The following ST3GAL3 variants were observed in gnomAD, a reference collection of about 807,000 sequenced individuals.
The protein encoded by ST3GAL3 is CMP-N-acetylneuraminate-beta-1,4-galactoside alpha-2,3-sialyltransferase.
ST3GAL3 carries 21 observed loss-of-function variants against 50.1 expected under a neutral mutation model. That is an observed-to-expected ratio of 0.42 (90% CI 0.30 to 0.60). ST3GAL3 has a LOEUF of 0.60. Among genes scored for constraint, ST3GAL3 ranks in the 20% least tolerant of loss-of-function variants. The probability of loss-of-function intolerance (pLI) is 0.19; values close to 1 mark genes in which losing one functional copy is unlikely to be tolerated. For missense variants in ST3GAL3, 353 were observed against 489.4 expected (o/e 0.72, Z 2.63); for synonymous variants, 183 against 190.0 (o/e 0.96, Z 0.30).
chr1:43,850,251 G>T (rs2067030163), intron 5 of ST3GAL3: 1 of 438,790 alleles, frequency 2.3e-6, no homozygotes, highest in East Asian at 6.3e-5. Context: ...CCTCCAGCAG[G>T]TAGCTTCCTC....
intron 5 of ST3GAL3, among the ~76,000 whole-genome samples, chr1:43,865,475 C>G (rs1030088756): frequency 3.9e-5 from 6 of 152,128 alleles, no homozygotes; most frequent in Admixed American, 1.3e-4. Flanking sequence ...TCCTTCCCTC[C>G]CCTTCCTCTA....
intron 9 of ST3GAL3, among the ~76,000 whole-genome samples, chr1:43,906,894 T>C (rs2079868948): frequency 6.6e-6 from 1 of 152,208 alleles, no homozygotes; most frequent in African/African-American, 2.4e-5. Context: ...GTTACTTGTG[T>C]AAGGTCACAC....
intron 2 of ST3GAL3, among the ~76,000 whole-genome samples, chr1:43,741,328 C>A (rs139807697): frequency 6.6e-6 from 1 of 152,122 alleles, no homozygotes; most frequent in Non-Finnish European, 1.5e-5. Context: ...CAGAGTGAGA[C>A]CCTGTCTCAA....
intron 9 of ST3GAL3, among the ~76,000 whole-genome samples, chr1:43,906,013 T>C (rs1487528769): frequency 1.0e-3 from 37 of 35,554 alleles, no homozygotes; most frequent in East Asian, 3.0e-3. Flanking sequence ...CCCTCCTCCT[T>C]CTGTTCCTCT....
At chr1:43,715,887 CATAAG>C (rs936585947) in intron 1 of ST3GAL3, among the ~76,000 whole-genome samples, 80 of 152,296 alleles carry the variant, frequency 5.3e-4, no homozygotes, top group African/African-American at 1.8e-3. Flanking sequence ...GCTGGACTCT[CATAAG>C]AGAATGAGAG....
At chr1:43,858,138 T>G (rs1483766070) in intron 5 of ST3GAL3, 1 of 1,289,372 alleles carries the variant, frequency 7.8e-7, no homozygotes, top group Admixed American at 2.3e-5. Context: ...TCCCCAGAGC[T>G]AAGAGAAATG....
chr1:43,712,026 T>C (rs1191319813), intron 1 of ST3GAL3, among the ~76,000 whole-genome samples: 1 of 152,218 alleles, frequency 6.6e-6, no homozygotes, highest in African/African-American at 2.4e-5. Context: ...GGAGCCCTGG[T>C]TCAGGAAACA....
At chr1:43,857,362 G>T (rs2068599039) in intron 5 of ST3GAL3, among the ~76,000 whole-genome samples, 1 of 151,964 alleles carries the variant, frequency 6.6e-6, no homozygotes, top group African/African-American at 2.4e-5. Context: ...TAAAAAATAG[G>T]CCTGGCACAG....
intron 5 of ST3GAL3, among the ~76,000 whole-genome samples, chr1:43,856,133 C>T (rs1203051443): frequency 6.6e-6 from 1 of 152,210 alleles, no homozygotes; most frequent in Non-Finnish European, 1.5e-5. Context: ...CAGTGGGTCA[C>T]TACTGCATAT....
At chr1:43,849,422 CTTT>C (rs890081910) in intron 5 of ST3GAL3, among the ~76,000 whole-genome samples, 16 of 151,854 alleles carry the variant, frequency 1.1e-4, no homozygotes, top group African/African-American at 2.4e-4. Flanking sequence ...CCTTTTTTAA[CTTT>C]TTAAGAAATT....
intron 5 of ST3GAL3, among the ~76,000 whole-genome samples, chr1:43,876,168 T>A (rs2074081136): frequency 6.6e-6 from 1 of 152,062 alleles, no homozygotes; most frequent in South Asian, 2.1e-4. Flanking sequence ...TTCGCCATGT[T>A]GCTCAGGCTG....
intron 11 of ST3GAL3, among the ~76,000 whole-genome samples, chr1:43,926,578 C>G (rs182583867): frequency 3.4e-5 from 5 of 148,368 alleles, no homozygotes. Context: ...GCACTCCAGC[C>G]TCGGCAACAA....
chr1:43,835,124 A>G (rs559034343), intron 4 of ST3GAL3, among the ~76,000 whole-genome samples: 24 of 152,254 alleles, frequency 1.6e-4, no homozygotes, highest in African/African-American at 5.5e-4. Flanking sequence ...GTTTAATGCT[A>G]AATCTCCCAA....
At chr1:43,766,025 A>T (rs906394125) in intron 2 of ST3GAL3, among the ~76,000 whole-genome samples, 12 of 152,104 alleles carry the variant, frequency 7.9e-5, no homozygotes, top group African/African-American at 2.7e-4. Context: ...CTTCACTGAG[A>T]CCAGCACCAT....
intron 2 of ST3GAL3, among the ~76,000 whole-genome samples, chr1:43,770,462 T>C (rs868545346): frequency 7.2e-5 from 11 of 152,212 alleles, no homozygotes; most frequent in African/African-American, 2.4e-4. Context: ...AACAGGATGA[T>C]AAAAAGATAG....
At chr1:43,819,862 C>A (rs538180761) in intron 4 of ST3GAL3, among the ~76,000 whole-genome samples, 1 of 152,136 alleles carries the variant, frequency 6.6e-6, no homozygotes, top group African/African-American at 2.4e-5. Flanking sequence ...TAAGTGAGAA[C>A]ATGTGATATT....
Position 43,899,162 on chromosome 1 carries a change from C to T in ST3GAL3, c.462-6C>T, listed in dbSNP as rs199941721. On this transcript the variant is annotated splice_region_variant and splice_polypyrimidine_tract_variant and intron_variant, in intron 7 of 11. Coordinates refer to ENST00000347631, the MANE Select transcript of ST3GAL3 (RefSeq NM_006279.5). This position sits in a 1 kb window ranked among gnomAD's most constrained non-coding sequence, Gnocchi z 5.4. ...TGTACAGAGGTCTCCGCCTCTCTCC[C>T]CTCAGCCTCCGCTGCCGCCGCTGCA... is the stretch of plus-strand genomic sequence containing the variant. The T allele has an allele frequency of 1.9e-6, 3 of 1,614,080 alleles. No homozygotes were observed. Among genetic ancestry groups the T allele is most frequent in the African/African-American group, 1.3e-5 (1 of 75,022 alleles).
chr1:43,765,482 G>A (rs564841716), intron 2 of ST3GAL3, among the ~76,000 whole-genome samples: 4 of 152,278 alleles, frequency 2.6e-5, no homozygotes, highest in Admixed American at 2.0e-4. Flanking sequence ...TACCTGTGTG[G>A]TGGCTCCATT....
intron 5 of ST3GAL3, chr1:43,838,594 G>A: frequency 2.5e-6 from 1 of 403,344 alleles, no homozygotes; most frequent in East Asian, 5.7e-5. Flanking sequence ...TCCAGAGGCA[G>A]CCAGAGAAGG....
Sources: gnomAD v4.1 joint callset for allele counts (sites outside exome capture counted in the v4.1 genomes callset) on GRCh38, gnomAD v4.1.1 for gene constraint, Gnocchi (gnomAD v3.1) non-coding constraint, MANE v1.5 for transcripts, NCBI Gene and HGNC (gene_info 2026-07-23, HGNC 2026-07-21) for gene names.